Variants in SV2C observed in about 807,000 individuals in gnomAD.
The protein encoded by SV2C is solute carrier family 22 member B3.
A neutral mutation model predicts 79.7 loss-of-function variants in SV2C; 49 were observed. The ratio of observed to expected loss-of-function variants is 0.61; its 90% CI spans 0.49 to 0.78. The LOEUF (loss-of-function observed/expected upper bound fraction) is 0.78, where lower values mean the gene tolerates loss of function less well. SV2C is among the 30% of genes least tolerant of loss of function. The probability of loss-of-function intolerance (pLI) is 0.00; values close to 1 mark genes in which losing one functional copy is unlikely to be tolerated. For synonymous variants in SV2C, 334 were observed against 333.2 expected (o/e 1.00, Z -0.03); for missense variants, 833 against 912.9 (o/e 0.91, Z 1.13).
At chr5:76,212,681 A>G (rs1374185042) in intron 4 of SV2C, among the ~76,000 whole-genome samples, 1 of 151,964 alleles carries the variant, frequency 6.6e-6, no homozygotes, top group East Asian at 1.9e-4. Context: ...CGTAACTCAC[A>G]CTGGCTTCTG....
the SV2C span, among the ~76,000 whole-genome samples, chr5:75,977,617 C>G: frequency 2.6e-5 from 4 of 152,188 alleles, no homozygotes. Flanking sequence ...CAAAGAAGAG[C>G]CTTCTCCTCA....
chr5:76,180,444 A>G (rs918672379), intron 2 of SV2C, among the ~76,000 whole-genome samples: 2 of 152,318 alleles, frequency 1.3e-5, no homozygotes, highest in African/African-American at 4.8e-5. Flanking sequence ...CCTTTGCTAT[A>G]GTCTATTACA....
At chr5:75,968,493 A>T in the SV2C span, among the ~76,000 whole-genome samples, 3 of 152,232 alleles carry the variant, frequency 2.0e-5, no homozygotes, top group African/African-American at 4.8e-5. Context: ...GACCTGATGG[A>T]GCTGAAAACC....
intron 4 of SV2C, among the ~76,000 whole-genome samples, chr5:76,272,092 T>C (rs188774679): frequency 9.3e-4 from 141 of 152,258 alleles, no homozygotes; most frequent in African/African-American, 3.3e-3. Context: ...TCAGAGACTA[T>C]AAGGCAAGAA....
At chr5:76,190,921 TAAG>T (rs2112320469) in intron 2 of SV2C, among the ~76,000 whole-genome samples, 1 of 152,334 alleles carries the variant, frequency 6.6e-6, no homozygotes, top group East Asian at 1.9e-4. Context: ...TGTTTTAACC[TAAG>T]AAGATCTGCA....
chr5:76,030,665 G>A, the SV2C span, among the ~76,000 whole-genome samples: 4 of 151,902 alleles, frequency 2.6e-5, no homozygotes, highest in Non-Finnish European at 5.9e-5. Flanking sequence ...TCTCTCTCAG[G>A]GCAGTCTAGC....
At chr5:75,861,494 A>G in the SV2C span, among the ~76,000 whole-genome samples, 1 of 152,226 alleles carries the variant, frequency 6.6e-6, no homozygotes, top group Non-Finnish European at 1.5e-5. Flanking sequence ...AGGAAAATAA[A>G]TAATTCTACC....
At chr5:76,285,443 T>C in intron 5 of SV2C, 148 bp downstream of exon 5, 1 of 1,161,782 alleles carries the variant, frequency 8.6e-7, no homozygotes, top group Non-Finnish European at 1.2e-6. Flanking sequence ...CATGGAGACC[T>C]GCTTTCAACA....
the SV2C span, among the ~76,000 whole-genome samples, chr5:75,965,638 C>A: frequency 3.9e-5 from 6 of 152,154 alleles, no homozygotes; most frequent in Non-Finnish European, 8.8e-5. Flanking sequence ...TAGTCTGTTA[C>A]AGTAGCTTAG....
chr5:76,235,360 C>T (rs993487467), intron 4 of SV2C, among the ~76,000 whole-genome samples: 2 of 152,018 alleles, frequency 1.3e-5, no homozygotes, highest in Non-Finnish European at 2.9e-5. Flanking sequence ...ATGGATTTTT[C>T]TAAGGCATGA....
intron 1 of SV2C, among the ~76,000 whole-genome samples, chr5:76,116,963 G>C (rs956903050): frequency 6.6e-6 from 1 of 152,150 alleles, no homozygotes; most frequent in African/African-American, 2.4e-5. Flanking sequence ...CTTTACCCGA[G>C]ATGGGTCCAG....
chr5:76,012,365 A>G, the SV2C span, among the ~76,000 whole-genome samples: 1 of 152,286 alleles, frequency 6.6e-6, no homozygotes, highest in East Asian at 1.9e-4. Flanking sequence ...ACCAGTGATG[A>G]TGATCTTTTT....
At chr5:76,232,211 T>C (rs1163084398) in intron 4 of SV2C, among the ~76,000 whole-genome samples, 2 of 146,302 alleles carry the variant, frequency 1.4e-5, no homozygotes, top group Non-Finnish European at 2.9e-5. Context: ...TTTTTTCATG[T>C]GTTTTTTGGC....
chr5:75,861,040 AC>A, the SV2C span, among the ~76,000 whole-genome samples: 1 of 152,200 alleles, frequency 6.6e-6, no homozygotes, highest in Non-Finnish European at 1.5e-5. Context: ...AGAGCAGACA[AC>A]CTACAGAATG....
At chr5:76,297,291 C>T (rs539691022) in intron 9 of SV2C, among the ~76,000 whole-genome samples, 4 of 152,106 alleles carry the variant, frequency 2.6e-5, no homozygotes, top group South Asian at 2.1e-4. Context: ...TATACTGATA[C>T]GGAATAACCT....
At chr5:76,184,062 T>C (rs1363029440) in intron 2 of SV2C, among the ~76,000 whole-genome samples, 2 of 152,270 alleles carry the variant, frequency 1.3e-5, no homozygotes, top group African/African-American at 4.8e-5. Flanking sequence ...GGAAAGCTTT[T>C]AAGAAATACT....
At chr5:76,216,626 C>G (rs1401148020) in intron 4 of SV2C, among the ~76,000 whole-genome samples, 2 of 152,154 alleles carry the variant, frequency 1.3e-5, no homozygotes, top group Non-Finnish European at 2.9e-5. Context: ...ACCTAACACC[C>G]GTTCTCAAGC....
chr5:75,967,171 C>CA, the SV2C span, among the ~76,000 whole-genome samples: 7 of 151,850 alleles, frequency 4.6e-5, no homozygotes, highest in Admixed American at 1.3e-4. Context: ...CTATCTCTAC[C>CA]AAAAAAACTT....
chr5:75,951,714 C>T, the SV2C span, among the ~76,000 whole-genome samples: 1 of 151,990 alleles, frequency 6.6e-6, no homozygotes, highest in Non-Finnish European at 1.5e-5. Context: ...TTCTTTCAAT[C>T]GAAGTGTAAC....
Sources: allele counts gnomAD v4.1 joint callset (sites outside exome capture counted in the v4.1 genomes callset), GRCh38; gene constraint gnomAD v4.1.1; transcripts MANE v1.5; gene names NCBI Gene and HGNC (gene_info 2026-07-23, HGNC 2026-07-21).